The following NPAS2 variants were observed in gnomAD, a reference collection of about 807,000 sequenced individuals.
NPAS2 encodes the protein neuronal PAS domain protein 2, also known as neuronal PAS domain-containing protein 2.
In NPAS2, 23 loss-of-function variants were observed where a neutral mutation model predicts 107.5. The observed-to-expected ratio is 0.21, with a 90% CI of 0.15 to 0.30. NPAS2 has a LOEUF of 0.30. Among genes scored for constraint, NPAS2 ranks in the 10% least tolerant of loss-of-function variants. The pLI is 1.00. For missense variants in NPAS2, 756 were observed against 1,043.3 expected (o/e 0.72, Z 3.79); for synonymous variants, 403 against 417.5 (o/e 0.97, Z 0.42).
At chr2:100,895,268 T>C (rs1681333214) in intron 1 of NPAS2, among the ~76,000 whole-genome samples, 1 of 152,238 alleles carries the variant, frequency 6.6e-6, no homozygotes, top group African/African-American at 2.4e-5. Flanking sequence ...TACAATTTTG[T>C]GATGACTTAT....
chr2:100,926,941 C>CTTTTTTT (rs71378131), intron 3 of NPAS2, among the ~76,000 whole-genome samples: 1 of 126,870 alleles, frequency 7.9e-6, no homozygotes, highest in Non-Finnish European at 1.6e-5. Flanking sequence ...TTTTTTCTTT[C>CTTTTTTT]TTTTTTTTTT....
intron 17 of NPAS2, chr2:100,988,690 G>A: frequency 3.0e-6 from 1 of 328,830 alleles, no homozygotes; most frequent in South Asian, 2.4e-5. Flanking sequence ...AGCAGCCACT[G>A]CTGTTCACTG....
chr2:100,958,750 A>T (rs1189889504), intron 7 of NPAS2, among the ~76,000 whole-genome samples: 1 of 152,132 alleles, frequency 6.6e-6, no homozygotes. Context: ...TGTGTGTGAG[A>T]TATCCACTTT....
At chr2:100,958,248 C>T (rs1476201146) in intron 7 of NPAS2, among the ~76,000 whole-genome samples, 1 of 152,196 alleles carries the variant, frequency 6.6e-6, no homozygotes, top group African/African-American at 2.4e-5. Context: ...GAAGTGGAGG[C>T]TTTTCAGCTT....
intron 5 of NPAS2, 36 bp downstream of exon 5, chr2:100,937,878 G>C (rs189299353): frequency 1.5e-4 from 216 of 1,433,972 alleles, no homozygotes; most frequent in Middle Eastern, 3.5e-4. Flanking sequence ...ACCGGTTCAC[G>C]TTACCATGTT....
chr2:100,991,557 T>C (rs915775225), intron 19 of NPAS2, among the ~76,000 whole-genome samples: 2 of 152,150 alleles, frequency 1.3e-5, no homozygotes, highest in Admixed American at 1.3e-4. Context: ...GATGCCCTCA[T>C]GTAGAAGCCT....
intron 5 of NPAS2, among the ~76,000 whole-genome samples, chr2:100,941,180 A>G (rs1030443840): frequency 1.3e-5 from 2 of 152,268 alleles, no homozygotes; most frequent in Non-Finnish European, 2.9e-5. Flanking sequence ...AGATTTTCGT[A>G]CAGCAATTTC....
intron 3 of NPAS2, among the ~76,000 whole-genome samples, chr2:100,928,228 A>G (rs1029118917): frequency 6.6e-6 from 1 of 152,168 alleles, no homozygotes; most frequent in Non-Finnish European, 1.5e-5. Flanking sequence ...GGAAAGACCA[A>G]TCAAGCAGGA....
rs77352678 is a variant in NPAS2 at position 100,900,152 on chromosome 2, A to C, written c.-22-4581A>C. ...CATCAGAAGACACCATCCAAAAAGC[A>C]CCAAGGCCACCCACAGACTGGGAGA... On this transcript the variant is annotated intron_variant, in intron 1 of 20. Transcript: ENST00000335681. Among the ~76,000 whole-genome samples, 1,492 of 152,326 alleles carry C rather than the reference A, an allele frequency of 9.8e-3. 25 individuals carry two copies. Among genetic ancestry groups the C allele is most frequent in the African/African-American group, 0.034 (1,419 of 41,578 alleles).
At chr2:100,911,434 T>C (rs1223038016) in intron 2 of NPAS2, among the ~76,000 whole-genome samples, 5 of 152,216 alleles carry the variant, frequency 3.3e-5, no homozygotes, top group African/African-American at 1.2e-4. Flanking sequence ...AAAGATTATT[T>C]ATTTATTGAG....
intron 1 of NPAS2, among the ~76,000 whole-genome samples, chr2:100,857,537 G>C (rs1371745133): frequency 2.0e-5 from 3 of 152,104 alleles, no homozygotes; most frequent in East Asian, 1.9e-4. Flanking sequence ...TTAGGAACAG[G>C]CCAGAGCAGG....
chr2:100,965,078 T>C lies in NPAS2; in HGVS notation c.800+135T>C. 1.7e-6 allele frequency: 1 copy of C among 580,424 alleles called. No individual in the cohort carries two copies. Among genetic ancestry groups the C allele is most frequent in the Non-Finnish European group, 2.9e-6 (1 of 343,922 alleles). 36.0% of individuals were successfully genotyped at this position (580,424 alleles called of 1,614,324 possible). On this transcript the variant is annotated intron_variant, in intron 9 of 20. Transcript: ENST00000335681. The surrounding 1 kb of genome is among the most constrained non-coding windows in gnomAD (Gnocchi z 4.3). ...GACTCTCTGGCACTAGGAAAAGTCG[T>C]CCCTGCCAAGGGTGGGTGGTTTCCC...
intron 1 of NPAS2, among the ~76,000 whole-genome samples, chr2:100,860,157 T>C (rs1408568104): frequency 6.6e-6 from 1 of 152,210 alleles, no homozygotes; most frequent in Non-Finnish European, 1.5e-5. Flanking sequence ...GTTTCTTCCT[T>C]CTGGGATGGT....
At chr2:100,945,484 C>T (rs1481710733) in intron 5 of NPAS2, among the ~76,000 whole-genome samples, 3 of 152,236 alleles carry the variant, frequency 2.0e-5, no homozygotes, top group African/African-American at 7.2e-5. Flanking sequence ...ACTTCCAGTG[C>T]TCTCTCCTTC....
At chr2:100,836,340 C>A (rs959938498) in intron 1 of NPAS2, among the ~76,000 whole-genome samples, 1 of 152,204 alleles carries the variant, frequency 6.6e-6, no homozygotes, top group Non-Finnish European at 1.5e-5. Flanking sequence ...AAGCATATTA[C>A]CCTGACCCGA....
chr2:100,937,468 C>A (rs1489684575), intron 4 of NPAS2, among the ~76,000 whole-genome samples: 2 of 152,182 alleles, frequency 1.3e-5, no homozygotes, highest in Non-Finnish European at 2.9e-5. Context: ...TATCATTAAA[C>A]CTACTTAGGG....
intron 1 of NPAS2, among the ~76,000 whole-genome samples, chr2:100,856,393 C>T (rs556301965): frequency 6.6e-5 from 10 of 152,330 alleles, no homozygotes; most frequent in Middle Eastern, 3.4e-3. Flanking sequence ...CACAAGCCCC[C>T]GGTCCTTGGT....
intron 20 of NPAS2, chr2:100,995,158 G>T: frequency 2.1e-6 from 1 of 471,304 alleles, no homozygotes; most frequent in Non-Finnish European, 3.7e-6. Flanking sequence ...AGTCGATTGG[G>T]CCAGAAGGTG....
At chr2:100,901,384 C>T (rs1380257270) in intron 1 of NPAS2, 2 of 200,474 alleles carry the variant, frequency 1.0e-5, no homozygotes, top group Non-Finnish European at 1.8e-5. Context: ...TGGTCAGTTG[C>T]TAGGTGCAGA....
Sources: gnomAD v4.1 joint callset for allele counts (sites outside exome capture counted in the v4.1 genomes callset) on GRCh38, gnomAD v4.1.1 for gene constraint, Gnocchi (gnomAD v3.1) non-coding constraint, MANE v1.5 for transcripts, NCBI Gene and HGNC (gene_info 2026-07-23, HGNC 2026-07-21) for gene names.